Variants in THSD4 observed in about 807,000 individuals in gnomAD.
THSD4 encodes the protein thrombospondin type-1 domain-containing protein 4.
Under a neutral mutation model 119.0 loss-of-function variants are expected in THSD4, and 69 were observed. The observed-to-expected ratio is 0.58, with a 90% CI of 0.48 to 0.71. The LOEUF is 0.71. Among genes scored for constraint, THSD4 ranks in the 30% least tolerant of loss-of-function variants. THSD4 has a pLI of 0.00. For missense variants in THSD4, 1,393 were observed against 1,391.1 expected, an observed-to-expected ratio of 1.00 and a Z score of -0.02; for synonymous variants, 524 against 540.4, an observed-to-expected ratio of 0.97 and a Z score of 0.42.
chr15:71,343,208 A>C (rs1247400047), intron 6 of THSD4, among the ~76,000 whole-genome samples: 1 of 152,140 alleles, frequency 6.6e-6, no homozygotes, highest in South Asian at 2.1e-4. Context: ...ATATAGCGAG[A>C]CCCTATCTCT....
At chr15:71,389,741 C>A (rs1357614947) in intron 6 of THSD4, among the ~76,000 whole-genome samples, 1 of 151,284 alleles carries the variant, frequency 6.6e-6, no homozygotes, top group Non-Finnish European at 1.5e-5. Flanking sequence ...ATTTTACATT[C>A]CCACCAACAG....
intron 2 of THSD4, among the ~76,000 whole-genome samples, chr15:71,147,345 C>T (rs12913609): frequency 0.098 from 14,847 of 152,116 alleles, 935 homozygotes; most frequent in East Asian, 0.36. Context: ...GCTGAGACTA[C>T]AGGTGTGTGC....
intron 15 of THSD4, among the ~76,000 whole-genome samples, chr15:71,760,295 T>C (rs1418338790): frequency 1.3e-5 from 2 of 152,208 alleles, no homozygotes; most frequent in Non-Finnish European, 2.9e-5. Flanking sequence ...GCAGTGGCCC[T>C]ACTGAGGCTT....
At position 71,240,192 on chromosome 15, in the gene THSD4, G is replaced by A. The variant is rs149533934; in HGVS notation, c.465-2457G>A. Among the ~76,000 whole-genome samples the A allele has an allele frequency of 7.2e-5, 11 of 152,306 alleles. No homozygotes were observed. The East Asian group carries it at 1.9e-3, about 27-fold the overall frequency. On this transcript the variant is annotated intron_variant, in intron 4 of 17. Coordinates refer to ENST00000261862, the MANE Select transcript of THSD4 (RefSeq NM_024817.3). Reference sequence around the variant, plus strand: ...TGTTTACACAAGTCATCAGCCAACAGCAGGTTCTTCTTCTGCTCCCCAAGA... The same window carrying A: ...TGTTTACACAAGTCATCAGCCAACAACAGGTTCTTCTTCTGCTCCCCAAGA...
At chr15:71,135,363 TA>T (rs144312611) in intron 1 of THSD4, among the ~76,000 whole-genome samples, 428 of 48,826 alleles carry the variant, frequency 8.8e-3, no homozygotes, top group East Asian at 0.034. Context: ...TAAAGTATAA[TA>T]AAAAAAAAAA....
At chr15:71,588,394 A>AT (rs1226861451) in intron 7 of THSD4, among the ~76,000 whole-genome samples, 61 of 150,326 alleles carry the variant, frequency 4.1e-4, no homozygotes, top group Admixed American at 3.9e-3. Context: ...GCTTTTATTT[A>AT]TTTTTTTTAA....
intron 6 of THSD4, among the ~76,000 whole-genome samples, chr15:71,318,941 A>G (rs1011494869): frequency 6.6e-6 from 1 of 152,114 alleles, no homozygotes; most frequent in Non-Finnish European, 1.5e-5. Flanking sequence ...GCTTTGGATA[A>G]TTTGTTTTAT....
chr15:71,716,578 G>T (rs1239160352), intron 8 of THSD4, among the ~76,000 whole-genome samples: 3 of 66,722 alleles, frequency 4.5e-5, no homozygotes, highest in Non-Finnish European at 9.3e-5. Flanking sequence ...GTGTGTGTGT[G>T]TGTTGGTTTT....
chr15:71,648,497 A>C (rs1057201011), intron 7 of THSD4, among the ~76,000 whole-genome samples: 2 of 152,222 alleles, frequency 1.3e-5, no homozygotes, highest in African/African-American at 2.4e-5. Flanking sequence ...AAACCGGGAA[A>C]GACTACCAAA....
chr15:71,473,873 TCTTA>T (rs1311523947), intron 7 of THSD4, among the ~76,000 whole-genome samples: 10 of 152,316 alleles, frequency 6.6e-5, no homozygotes, highest in South Asian at 2.1e-4. Context: ...CTGGGCACAT[TCTTA>T]CTTACCAGCC....
chr15:71,442,444 C>CT (rs1395050031), intron 7 of THSD4, among the ~76,000 whole-genome samples: 3 of 149,792 alleles, frequency 2.0e-5, no homozygotes, highest in Admixed American at 1.3e-4. Flanking sequence ...TGGCACATAC[C>CT]TGTAATCCCA....
At chr15:71,727,553 A>AATAT (rs869196877) in intron 8 of THSD4, among the ~76,000 whole-genome samples, 9 of 122,782 alleles carry the variant, frequency 7.3e-5, no homozygotes, top group African/African-American at 3.1e-4. Context: ...AAAAAAAAAA[A>AATAT]ATATATATAT....
intron 7 of THSD4, among the ~76,000 whole-genome samples, chr15:71,498,485 C>T (rs2048061203): frequency 6.6e-6 from 1 of 152,098 alleles, no homozygotes; most frequent in African/African-American, 2.4e-5. Context: ...AAATACAAAT[C>T]CCATGGCTGC....
At chr15:71,449,177 T>C (rs1169951620) in intron 7 of THSD4, among the ~76,000 whole-genome samples, 1 of 152,220 alleles carries the variant, frequency 6.6e-6, no homozygotes, top group Non-Finnish European at 1.5e-5. Context: ...AGTTGCCACA[T>C]CAGGACTTTG....
At chr15:71,709,328 A>G (rs1321875098) in intron 8 of THSD4, among the ~76,000 whole-genome samples, 2 of 152,098 alleles carry the variant, frequency 1.3e-5, no homozygotes, top group African/African-American at 4.8e-5. Context: ...AAGATGGGGG[A>G]AAAAAGGGTT....
chr15:71,225,540 T>G (rs78713090), intron 4 of THSD4, among the ~76,000 whole-genome samples: 1 of 89,246 alleles, frequency 1.1e-5, no homozygotes, highest in East Asian at 2.6e-4. Flanking sequence ...TTTCTTTTTC[T>G]TTTTTTTTTT....
At chr15:71,141,374 T>A in intron 1 of THSD4, 75 bp from the exon 2 acceptor site, 3 of 784,662 alleles carry the variant, frequency 3.8e-6, no homozygotes, top group Non-Finnish European at 5.8e-6. Context: ...TCATTTCTGG[T>A]TTTGTTGACC....
At chr15:71,703,349 T>C (rs1313131568) in intron 8 of THSD4, among the ~76,000 whole-genome samples, 1 of 152,238 alleles carries the variant, frequency 6.6e-6, no homozygotes, top group African/African-American at 2.4e-5. Flanking sequence ...TTTCTGTTAT[T>C]ATTATATGGC....
At chr15:71,198,148 C>T (rs1596263593) in intron 3 of THSD4, among the ~76,000 whole-genome samples, 2 of 152,290 alleles carry the variant, frequency 1.3e-5, no homozygotes, top group Middle Eastern at 6.8e-3. Context: ...ATAGTCCCAG[C>T]TACATGGGAG....
Sources: gnomAD v4.1 joint callset for allele counts (sites outside exome capture counted in the v4.1 genomes callset) on GRCh38, gnomAD v4.1.1 for gene constraint, MANE v1.5 for transcripts, NCBI Gene and HGNC (gene_info 2026-07-23, HGNC 2026-07-21) for gene names.